Variants in OSBP2 observed in about 807,000 individuals in gnomAD.
The protein encoded by OSBP2 is oxysterol-binding protein 2.
Under a neutral mutation model 96.0 loss-of-function variants are expected in OSBP2, and 66 were observed. That is an observed-to-expected ratio of 0.69 (90% CI 0.56 to 0.84). The LOEUF is 0.84. Ranked by LOEUF, OSBP2 falls within the 40% of genes least tolerant of loss-of-function variation. OSBP2 has a pLI of 0.00. For missense variants in OSBP2, 1,038 were observed against 1,222.7 expected, an observed-to-expected ratio of 0.85 and a Z score of 2.25; for synonymous variants, 525 against 520.9, an observed-to-expected ratio of 1.01 and a Z score of -0.11.
chr22:30,856,585 C>T (rs1236090545), intron 2 of OSBP2, among the ~76,000 whole-genome samples: 1 of 151,608 alleles, frequency 6.6e-6, no homozygotes, highest in Non-Finnish European at 1.5e-5. Flanking sequence ...CGGGATTTTG[C>T]CACGTTGGTC....
intron 1 of OSBP2, among the ~76,000 whole-genome samples, chr22:30,698,388 T>C (rs2089090164): frequency 6.6e-6 from 1 of 152,116 alleles, no homozygotes; most frequent in African/African-American, 2.4e-5. Context: ...GGGCCATTTC[T>C]CTTGCTGGCT....
chr22:30,894,999 G>A (rs899021496), intron 12 of OSBP2, among the ~76,000 whole-genome samples: 1 of 152,194 alleles, frequency 6.6e-6, no homozygotes, highest in Non-Finnish European at 1.5e-5. Flanking sequence ...ACCCCAGAGG[G>A]AAGATCTGAG....
chr22:30,765,593 G>T (rs2090260483), intron 2 of OSBP2, among the ~76,000 whole-genome samples: 2 of 152,092 alleles, frequency 1.3e-5, no homozygotes, highest in African/African-American at 4.8e-5. Flanking sequence ...AGTCCGCTCT[G>T]TCAGACTCCC....
At chr22:30,796,796 C>T (rs541115441) in intron 2 of OSBP2, among the ~76,000 whole-genome samples, 27 of 152,334 alleles carry the variant, frequency 1.8e-4, no homozygotes, top group South Asian at 1.7e-3. Context: ...GCGTGAGCCA[C>T]GGCACCCAGC....
intron 3 of OSBP2, chr22:30,872,470 G>A (rs5753364): frequency 9.2e-6 from 4 of 435,818 alleles, no homozygotes; most frequent in East Asian, 7.1e-5. Context: ...CTGTGTTTAC[G>A]AAGCCATCAG....
intron 7 of OSBP2, among the ~76,000 whole-genome samples, chr22:30,889,889 C>A (rs1219658465): frequency 6.6e-6 from 1 of 152,122 alleles, no homozygotes; most frequent in Non-Finnish European, 1.5e-5. Flanking sequence ...CCTGGGGAGC[C>A]CCAGAGCACC....
intron 2 of OSBP2, among the ~76,000 whole-genome samples, chr22:30,853,783 T>C (rs1040153532): frequency 2.6e-5 from 4 of 151,968 alleles, no homozygotes; most frequent in African/African-American, 7.2e-5. Context: ...TCTTTTTTTT[T>C]TTTGAGACAG....
At chr22:30,786,050 G>A (rs1353896072) in intron 2 of OSBP2, among the ~76,000 whole-genome samples, 10 of 146,620 alleles carry the variant, frequency 6.8e-5, no homozygotes, top group Admixed American at 5.5e-4. Flanking sequence ...GTGTACAGAA[G>A]TCTCGCTGTG....
Position 30,741,275 on chromosome 22 carries a change from C to A in OSBP2, c.759C>A (p.His253Gln). The change falls in exon 2 of 14, where the codon CAC becomes CAA. Residue 253 changes from histidine (H) to glutamine (Q), a missense_variant. By Grantham distance (24) the His-to-Gln change is conservative (BLOSUM62 0). Transcript: ENST00000332585. ...TGACCAGTGGGGCCAGGAGCTACCA[C>A]CTCAAGGCCAGCTCAGAGGTGGACC... ...ILLTSGARSYHLKASSEVDRQ... is the reference protein window; with the variant it reads ...ILLTSGARSYQLKASSEVDRQ... The A allele has an allele frequency of 1.2e-6, 2 of 1,614,018 alleles. No individual in the cohort carries two copies. The highest frequency in any genetic ancestry group is 1.7e-6 in the Non-Finnish European group (2 of 1,180,018).
At chr22:30,717,086 G>GTTTTTTTTTTTT (rs144392805) in intron 1 of OSBP2, among the ~76,000 whole-genome samples, 27 of 96,498 alleles carry the variant, frequency 2.8e-4, no homozygotes, top group Middle Eastern at 5.8e-3. Flanking sequence ...TAATTTTACT[G>GTTTTTTTTTTTT]TTTTTGTGTG....
chr22:30,856,070 A>C (rs900188377), intron 2 of OSBP2, among the ~76,000 whole-genome samples: 1 of 152,216 alleles, frequency 6.6e-6, no homozygotes. Context: ...CTCAGGGATC[A>C]GCTGTTGAGT....
intron 2 of OSBP2, among the ~76,000 whole-genome samples, chr22:30,822,922 G>C (rs1249089213): frequency 6.6e-6 from 1 of 152,202 alleles, no homozygotes; most frequent in Non-Finnish European, 1.5e-5. Flanking sequence ...TTTTGGAGAG[G>C]GGGCTGCGGC....
chr22:30,825,327 A>G (rs2038375674), intron 2 of OSBP2, among the ~76,000 whole-genome samples: 1 of 152,188 alleles, frequency 6.6e-6, no homozygotes, highest in African/African-American at 2.4e-5. Context: ...ATCCTTACTA[A>G]AAATACAAAA....
At chr22:30,712,432 A>G (rs1358295849) in intron 1 of OSBP2, among the ~76,000 whole-genome samples, 3 of 152,192 alleles carry the variant, frequency 2.0e-5, no homozygotes, top group Non-Finnish European at 4.4e-5. Context: ...CTTTGAAAGT[A>G]TTAAGTAAGG....
At chr22:30,758,228 C>A (rs1185832237) in intron 2 of OSBP2, among the ~76,000 whole-genome samples, 1 of 152,034 alleles carries the variant, frequency 6.6e-6, no homozygotes, top group Non-Finnish European at 1.5e-5. Flanking sequence ...ATGGTGAAAC[C>A]CCATCTCTAC....
At chr22:30,724,744 G>A (rs757118104) in intron 1 of OSBP2, among the ~76,000 whole-genome samples, 1 of 152,188 alleles carries the variant, frequency 6.6e-6, no homozygotes, top group Non-Finnish European at 1.5e-5. Context: ...AGACAGTCCA[G>A]GTCCGTGTCT....
intron 3 of OSBP2, 53 bp from the exon 4 acceptor site, chr22:30,887,373 G>C (rs1321890308): frequency 6.6e-7 from 1 of 1,515,034 alleles, no homozygotes; most frequent in African/African-American, 1.4e-5. Context: ...GCCTCTGACA[G>C]ATGGGCCCCT....
At chr22:30,762,697 C>G (rs1258048450) in intron 2 of OSBP2, among the ~76,000 whole-genome samples, 2 of 152,224 alleles carry the variant, frequency 1.3e-5, no homozygotes, top group Admixed American at 1.3e-4. Flanking sequence ...TCCCTAGTAT[C>G]CAGCCCCTTC....
At chr22:30,711,864 T>C (rs136390) in intron 1 of OSBP2, among the ~76,000 whole-genome samples, 131,721 of 152,054 alleles carry the variant, frequency 0.87, 57,196 homozygotes, top group East Asian at 1. Flanking sequence ...TTAGCTGGGG[T>C]GGGTTGGTAA....
Sources: gnomAD v4.1 joint callset for allele counts (sites outside exome capture counted in the v4.1 genomes callset) on GRCh38, gnomAD v4.1.1 for gene constraint, MANE v1.5 for transcripts, NCBI Gene and HGNC (gene_info 2026-07-23, HGNC 2026-07-21) for gene names.